The following HOOK3 variants were observed in gnomAD, a reference collection of about 807,000 sequenced individuals.
The protein encoded by HOOK3 is protein Hook homolog 3.
A neutral mutation model predicts 116.3 loss-of-function variants in HOOK3; 24 were observed. The observed-to-expected ratio is 0.21, with a 90% CI of 0.15 to 0.29. The LOEUF (loss-of-function observed/expected upper bound fraction) is 0.29. HOOK3 is among the 10% of genes least tolerant of loss of function. HOOK3 has a pLI of 1.00. For synonymous variants in HOOK3, 275 were observed against 283.0 expected (o/e 0.97, Z 0.28); for missense variants, 632 against 830.2 (o/e 0.76, Z 2.93).
intron 8 of HOOK3, among the ~76,000 whole-genome samples, chr8:42,962,488 C>G (rs867556158): frequency 6.7e-6 from 1 of 150,186 alleles, no homozygotes; most frequent in East Asian, 2.0e-4. Context: ...CTCACTATAG[C>G]CTCGACCTCT....
intron 15 of HOOK3, among the ~76,000 whole-genome samples, chr8:42,989,925 T>C (rs1463748117): frequency 6.6e-6 from 1 of 152,188 alleles, no homozygotes; most frequent in African/African-American, 2.4e-5. Flanking sequence ...ATTTCATTCT[T>C]TTTTATGGCT....
intron 2 of HOOK3, 80 bp downstream of exon 2, chr8:42,906,338 C>A: frequency 9.8e-7 from 1 of 1,025,562 alleles, no homozygotes; most frequent in Non-Finnish European, 1.5e-6. Context: ...TAAAAAAGTA[C>A]TTACATGAAA....
chr8:42,997,611 C>CAGG lies in HOOK3; in HGVS notation c.1596_1598dup (p.Gln532_Asp533insGlu). Reference sequence around the variant, plus strand: ...AGTTGAAGAATTACAAAAATCTTTACAGGATCAAGGCTCAAAAGCAGAAGA... The same window carrying CAGG: ...AGTTGAAGAATTACAAAAATCTTTACAGGAGGATCAAGGCTCAAAAGCAGAAGA... On this transcript the variant is annotated inframe_insertion, in exon 16 of 22. Transcript: ENST00000307602. The CAGG allele has an allele frequency of 6.2e-7, 1 of 1,606,912 alleles. No homozygotes were observed. Among genetic ancestry groups the CAGG allele is most frequent in the African/African-American group, 1.3e-5 (1 of 74,862 alleles).
chr8:42,963,101 C>T (rs1808566757), intron 8 of HOOK3, among the ~76,000 whole-genome samples: 1 of 152,082 alleles, frequency 6.6e-6, no homozygotes, highest in African/African-American at 2.4e-5. Flanking sequence ...TGCACCCAGC[C>T]TTTTGTCTGA....
chr8:42,951,075 T>G (rs76203722), intron 6 of HOOK3, among the ~76,000 whole-genome samples: 3,854 of 152,064 alleles, frequency 0.025, 167 homozygotes, highest in African/African-American at 0.088. Flanking sequence ...TATTATTTAT[T>G]TATTTATTTG....
chr8:42,975,036 C>T (rs188388214), intron 13 of HOOK3, among the ~76,000 whole-genome samples: 191 of 152,152 alleles, frequency 1.3e-3, no homozygotes, highest in African/African-American at 4.5e-3. Flanking sequence ...GGCGTAGCGA[C>T]GGGAAGGGGT....
chr8:42,998,437 T>C (rs1809321181), intron 16 of HOOK3, among the ~76,000 whole-genome samples: 1 of 152,250 alleles, frequency 6.6e-6, no homozygotes, highest in South Asian at 2.1e-4. Flanking sequence ...TAATTTGCTG[T>C]AAACTCTGGC....
chr8:42,964,035 A>C (rs993743808), intron 8 of HOOK3, among the ~76,000 whole-genome samples: 3 of 152,140 alleles, frequency 2.0e-5, no homozygotes, highest in African/African-American at 7.2e-5. Flanking sequence ...GTGAAACCAC[A>C]TCTCTACTAA....
At chr8:43,008,663 ATTTT>A (rs546007965) in intron 18 of HOOK3, among the ~76,000 whole-genome samples, 3 of 131,460 alleles carry the variant, frequency 2.3e-5, no homozygotes, top group African/African-American at 5.9e-5. Flanking sequence ...TTTTATTTTT[ATTTT>A]TTTTTTTTTT....
intron 19 of HOOK3, among the ~76,000 whole-genome samples, chr8:43,011,453 G>C (rs1563314235): frequency 6.6e-6 from 1 of 152,002 alleles, no homozygotes; most frequent in South Asian, 2.1e-4. Flanking sequence ...AACAGCATGT[G>C]TGTGTGTGTG....
chr8:42,980,917 G>A (rs1323998244), intron 13 of HOOK3, among the ~76,000 whole-genome samples: 1 of 151,974 alleles, frequency 6.6e-6, no homozygotes, highest in Admixed American at 6.6e-5. Context: ...GAACAAGTGA[G>A]CATGCTCAAC....
At chr8:42,980,632 T>C in intron 13 of HOOK3, among the ~76,000 whole-genome samples, 1 of 152,036 alleles carries the variant, frequency 6.6e-6, no homozygotes, top group African/African-American at 2.4e-5. Flanking sequence ...CTCACACCTG[T>C]AATCCCAGCA....
Position 43,018,610 on chromosome 8 carries a change from A to T in HOOK3, c.*112A>T. 1 of 1,065,790 alleles carries T rather than the reference A, an allele frequency of 9.4e-7. No homozygotes were observed. The highest frequency in any genetic ancestry group is 1.3e-6 in the Non-Finnish European group (1 of 775,210). The allele number at this position is 1,065,790 out of a possible 1,614,324, so 66.0% of individuals were successfully genotyped here. A position where few individuals can be genotyped will look rare whatever the true frequency, so the allele number is the denominator to read the frequency against. On this transcript the variant is annotated 3_prime_UTR_variant, in exon 22 of 22. Coordinates refer to ENST00000307602, the MANE Select transcript of HOOK3 (RefSeq NM_032410.4). ...TATTTTTTGTTTCTCTTCTATGTCAATACTTAGTGTTTCTCATTTTGAGGA... is the reference window on the plus strand; with the variant it reads ...TATTTTTTGTTTCTCTTCTATGTCATTACTTAGTGTTTCTCATTTTGAGGA...
chr8:42,958,603 T>G (rs2553743), intron 7 of HOOK3, among the ~76,000 whole-genome samples: 4 of 147,608 alleles, frequency 2.7e-5, no homozygotes, highest in Admixed American at 6.7e-5. Flanking sequence ...ATAGTTTTTT[T>G]TTTTTTTTTT....
chr8:42,942,475 ACCT>A (rs1808147170), intron 4 of HOOK3, among the ~76,000 whole-genome samples: 1 of 151,888 alleles, frequency 6.6e-6, no homozygotes, highest in Non-Finnish European at 1.5e-5. Context: ...CTCTTTCCTC[ACCT>A]CCTGTCCAGG....
At chr8:42,924,335 C>CCCTTCCTT (rs1020099454) in intron 2 of HOOK3, among the ~76,000 whole-genome samples, 3 of 142,980 alleles carry the variant, frequency 2.1e-5, no homozygotes, top group African/African-American at 5.0e-5. Flanking sequence ...CTCCCTTCCT[C>CCCTTCCTT]CCTTCCTTCC....
Position 42,974,145 on chromosome 8 carries a change from T to C in HOOK3, c.1272T>C (p.Ile424=), listed in dbSNP as rs1563304829. The change falls in exon 13 of 22, where the codon ATT becomes ATC. Residue 424 remains isoleucine (I), a synonymous_variant. Coordinates refer to ENST00000307602, the MANE Select transcript of HOOK3 (RefSeq NM_032410.4). The stretch of plus-strand genomic sequence containing the variant: ...AAAGGGATTCTCTGAAGGAAACCAT[T>C]GAAGAGCTTCGTTGTGTACAAGCTC... ...RTERDSLKET[I]EELRCVQAQE... 6.2e-7 allele frequency: 1 copy of C among 1,614,132 alleles called. No individual in the cohort carries two copies. Among genetic ancestry groups the C allele is most frequent in the Non-Finnish European group, 8.5e-7 (1 of 1,179,968 alleles).
chr8:42,964,523 C>A, intron 9 of HOOK3, 49 bp downstream of exon 9: 1 of 1,566,418 alleles, frequency 6.4e-7, no homozygotes, highest in South Asian at 1.1e-5. Flanking sequence ...TGTTAGCTGT[C>A]ATTTAAAGTT....
chr8:42,952,996 CG>C (rs1396998419), intron 6 of HOOK3, among the ~76,000 whole-genome samples: 26 of 151,908 alleles, frequency 1.7e-4, no homozygotes, highest in Admixed American at 1.7e-3. Context: ...TATTTCTAGC[CG>C]GCAGAAAGGA....
Sources: allele counts gnomAD v4.1 joint callset (sites outside exome capture counted in the v4.1 genomes callset), GRCh38; gene constraint gnomAD v4.1.1; transcripts MANE v1.5; gene names NCBI Gene and HGNC (gene_info 2026-07-23, HGNC 2026-07-21).